The following UGT1A8 variants were observed in gnomAD, a reference collection of about 807,000 sequenced individuals.
The protein encoded by UGT1A8 is UDP-glucuronosyltransferase 1A8.
UGT1A8 carries 39 observed loss-of-function variants against 45.3 expected under a neutral mutation model. The observed-to-expected ratio is 0.86, with a 90% CI of 0.67 to 1.12. UGT1A8 has a LOEUF of 1.12. UGT1A8 is among the 50% of genes most tolerant of loss of function. The probability of loss-of-function intolerance (pLI) is 0.00; values close to 1 mark genes in which losing one functional copy is unlikely to be tolerated. For missense variants in UGT1A8, 719 were observed against 664.9 expected, an observed-to-expected ratio of 1.08 and a Z score of -0.90; for synonymous variants, 275 against 249.2, an observed-to-expected ratio of 1.10 and a Z score of -0.97.
chr2:233,719,531 G>A (rs377261801), intron 1 of UGT1A8: 2 of 1,613,928 alleles, frequency 1.2e-6, no homozygotes, highest in Admixed American at 1.7e-5. Flanking sequence ...TTGCCTCTGA[G>A]CTTTTTCAGA....
At chr2:233,663,041 A>G (rs1259014413) in intron 1 of UGT1A8, among the ~76,000 whole-genome samples, 1 of 152,164 alleles carries the variant, frequency 6.6e-6, no homozygotes, top group East Asian at 1.9e-4. Flanking sequence ...TATCCAGTGT[A>G]TTCACATTGC....
chr2:233,751,629 C>A (rs1156397424), intron 1 of UGT1A8, among the ~76,000 whole-genome samples: 1 of 152,162 alleles, frequency 6.6e-6, no homozygotes, highest in African/African-American at 2.4e-5. Context: ...ATCATGTGTG[C>A]AGTTTCCCCC....
chr2:233,622,258 A>G (rs1050575832), intron 1 of UGT1A8, among the ~76,000 whole-genome samples: 1 of 152,258 alleles, frequency 6.6e-6, no homozygotes, highest in East Asian at 1.9e-4. Flanking sequence ...TAATGGGATC[A>G]CTGGGTCAAA....
chr2:233,755,768 C>G (rs1461511969), intron 1 of UGT1A8: 5 of 152,866 alleles, frequency 3.3e-5, no homozygotes, highest in African/African-American at 1.2e-4. Flanking sequence ...TTTTGTTCAT[C>G]TGGATTATGC....
At position 233,666,557 on chromosome 2, in the gene UGT1A8, T is replaced by C. The variant is rs1036321822; in HGVS notation, c.855+47995T>C. ...ATTTTTTAAAATTGAATTTTAAAGA[T>C]TATTTATATTCTGGATATTTATCCT... On this transcript the variant is annotated intron_variant, in intron 1 of 4. Transcript: ENST00000373450. Among the ~76,000 whole-genome samples, 18 of 152,194 alleles carry C rather than the reference T, an allele frequency of 1.2e-4. 1 individual carries two copies.
At chr2:233,731,491 G>A (rs1443900018) in intron 1 of UGT1A8, among the ~76,000 whole-genome samples, 2 of 152,026 alleles carry the variant, frequency 1.3e-5, no homozygotes, top group Non-Finnish European at 2.9e-5. Flanking sequence ...TGTGTCCAGT[G>A]TTCTTGCTGT....
At chr2:233,650,046 C>T (rs760091970) in intron 1 of UGT1A8, among the ~76,000 whole-genome samples, 2 of 152,192 alleles carry the variant, frequency 1.3e-5, no homozygotes, top group Non-Finnish European at 2.9e-5. Context: ...TCTTGGCTCA[C>T]CACAACCTCT....
At chr2:233,661,207 G>A (rs370739998) in intron 1 of UGT1A8, among the ~76,000 whole-genome samples, 1 of 151,652 alleles carries the variant, frequency 6.6e-6, no homozygotes, top group African/African-American at 2.4e-5. Flanking sequence ...CAACAGTCTG[G>A]TCTATTTTCC....
At chr2:233,629,415 T>C (rs757354112) in intron 1 of UGT1A8, among the ~76,000 whole-genome samples, 5 of 152,270 alleles carry the variant, frequency 3.3e-5, no homozygotes, top group Middle Eastern at 3.4e-3. Context: ...GGCACAACCT[T>C]GATTAATTTT....
intron 1 of UGT1A8, among the ~76,000 whole-genome samples, chr2:233,703,634 G>A (rs943242001): frequency 1.3e-5 from 2 of 151,830 alleles, no homozygotes; most frequent in Admixed American, 1.3e-4. Context: ...TCTGATATTA[G>A]TATAACCAAT....
chr2:233,688,641 G>A (rs941155352), intron 1 of UGT1A8, among the ~76,000 whole-genome samples: 2 of 152,082 alleles, frequency 1.3e-5, no homozygotes, highest in Admixed American at 1.3e-4. Context: ...GTTTTTGTTG[G>A]TGTTACAGAA....
At chr2:233,746,687 C>T (rs192486679) in intron 1 of UGT1A8, among the ~76,000 whole-genome samples, 86 of 151,912 alleles carry the variant, frequency 5.7e-4, no homozygotes, top group Non-Finnish European at 1.1e-3. Context: ...AGGGCTCACA[C>T]ATTCCATAAA....
At chr2:233,766,896 A>G (rs1384164988) in intron 1 of UGT1A8, 138 bp from the exon 2 acceptor site, 7 of 1,480,032 alleles carry the variant, frequency 4.7e-6, no homozygotes, top group Non-Finnish European at 6.2e-6. Context: ...TTACATATTA[A>G]TAATTTTTTA....
At chr2:233,628,910 T>C (rs1177449924) in intron 1 of UGT1A8, among the ~76,000 whole-genome samples, 2 of 152,160 alleles carry the variant, frequency 1.3e-5, no homozygotes, top group East Asian at 3.8e-4. Flanking sequence ...ATATGGTATG[T>C]TACTTTAATT....
intron 1 of UGT1A8, among the ~76,000 whole-genome samples, chr2:233,700,945 C>T (rs1367843958): frequency 1.3e-5 from 2 of 152,032 alleles, no homozygotes; most frequent in Non-Finnish European, 2.9e-5. Flanking sequence ...GTTCAATTCC[C>T]ACCTATGAGT....
At chr2:233,666,722 A>C (rs2074083785) in intron 1 of UGT1A8, among the ~76,000 whole-genome samples, 1 of 152,024 alleles carries the variant, frequency 6.6e-6, no homozygotes, top group African/African-American at 2.4e-5. Flanking sequence ...ATATGTATAC[A>C]TGTGCCATGT....
chr2:233,679,101 A>G (rs1322384670), intron 1 of UGT1A8, among the ~76,000 whole-genome samples: 1 of 152,180 alleles, frequency 6.6e-6, no homozygotes, highest in Non-Finnish European at 1.5e-5. Context: ...ACTGTGTGTA[A>G]TGAGTTCTAA....
At chr2:233,758,762 G>A (rs1375846813) in intron 1 of UGT1A8, among the ~76,000 whole-genome samples, 1 of 152,150 alleles carries the variant, frequency 6.6e-6, no homozygotes, top group Non-Finnish European at 1.5e-5. Flanking sequence ...TGATGTGTAT[G>A]GTTCAAATGT....
At chr2:233,646,442 A>G (rs1191143375) in intron 1 of UGT1A8, among the ~76,000 whole-genome samples, 1 of 152,156 alleles carries the variant, frequency 6.6e-6, no homozygotes, top group African/African-American at 2.4e-5. Context: ...TCAGGCTGCA[A>G]ATTTTCCAAA....
Sources: gnomAD v4.1 joint callset for allele counts (sites outside exome capture counted in the v4.1 genomes callset) on GRCh38, gnomAD v4.1.1 for gene constraint, MANE v1.5 for transcripts, NCBI Gene and HGNC (gene_info 2026-07-23, HGNC 2026-07-21) for gene names.